RIPOR2: variants seen among roughly 807,000 people sequenced by gnomAD.
RIPOR2 encodes RHO family interacting cell polarization regulator 2.
A neutral mutation model predicts 114.5 loss-of-function variants in RIPOR2; 39 were observed. That is an observed-to-expected ratio of 0.34 (90% confidence interval 0.26 to 0.44). The LOEUF (loss-of-function observed/expected upper bound fraction) is 0.44. Among genes scored for constraint, RIPOR2 ranks in the 20% least tolerant of loss-of-function variants. The pLI is 1.00. For missense variants in RIPOR2, 1,007 were observed against 1,255.1 expected, an observed-to-expected ratio of 0.80 and a Z score of 2.99; for synonymous variants, 445 against 484.4, an observed-to-expected ratio of 0.92 and a Z score of 1.07.
At chr6:24,840,296 A>T (rs1761572635) in intron 13 of RIPOR2, 1 of 1,043,284 alleles carries the variant, frequency 9.6e-7, no homozygotes, top group Non-Finnish European at 1.2e-6. Flanking sequence ...TGCCTTGGGC[A>T]TGACAAGAAG....
At chr6:24,828,907 T>C (rs975709484) in intron 17 of RIPOR2, among the ~76,000 whole-genome samples, 3 of 152,232 alleles carry the variant, frequency 2.0e-5, no homozygotes, top group Non-Finnish European at 4.4e-5. Context: ...GAACTTCATG[T>C]AAATGGAATT....
chr6:24,818,631 A>G lies in RIPOR2; in HGVS notation c.2869-6T>C. Reference sequence around the variant, plus strand: ...TCACAGTAATAGAGCAAGGCCTGAAAGAGAAGGAGGGACCTCATGAAGGCA... The same window carrying G: ...TCACAGTAATAGAGCAAGGCCTGAAGGAGAAGGAGGGACCTCATGAAGGCA... On this transcript the variant is annotated splice_region_variant and splice_polypyrimidine_tract_variant and intron_variant, in intron 19 of 21. Transcript: ENST00000643898. The G allele has an allele frequency of 6.5e-7, 1 of 1,539,710 alleles. No homozygotes were observed. Among genetic ancestry groups the G allele is most frequent in the Non-Finnish European group, 8.8e-7 (1 of 1,138,826 alleles).
chr6:24,878,615 C>T (rs1293260347), intron 1 of RIPOR2, among the ~76,000 whole-genome samples: 1 of 152,042 alleles, frequency 6.6e-6, no homozygotes, highest in African/African-American at 2.4e-5. Flanking sequence ...GTAGTTTAAA[C>T]TACTGATGCC....
At chr6:24,897,949 G>A (rs562900269) in intron 1 of RIPOR2, among the ~76,000 whole-genome samples, 1 of 151,896 alleles carries the variant, frequency 6.6e-6, no homozygotes, top group South Asian at 2.1e-4. Context: ...GCTTGAACCC[G>A]GGAGGCGGAG....
intron 9 of RIPOR2, among the ~76,000 whole-genome samples, chr6:24,850,976 ACCTCCG>A (rs965340864): frequency 4.0e-5 from 6 of 150,044 alleles, no homozygotes; most frequent in Admixed American, 1.3e-4. Context: ...GCTCGCTGCA[ACCTCCG>A]CCTCCAGGGT....
rs1206277428 is a variant in RIPOR2 at position 24,872,865 on chromosome 6, A to G, written c.423+16T>C. On this transcript the variant is annotated intron_variant, in intron 4 of 21. Transcript: ENST00000643898. ...AAAGAACAGTGTTAACATCATAATG[A>G]CTGCATAGTACCTACCAGGCGAGAG... 2 of 1,542,770 alleles carry G rather than the reference A, an allele frequency of 1.3e-6. No homozygotes were observed. Among genetic ancestry groups the G allele is most frequent in the East Asian group, 4.5e-5 (2 of 44,532 alleles).
intron 1 of RIPOR2, among the ~76,000 whole-genome samples, chr6:24,967,912 T>C (rs563698888): frequency 0.29 from 38,030 of 129,826 alleles, 6,160 homozygotes; most frequent in South Asian, 0.37. Flanking sequence ...TCTCAATCTT[T>C]TTTTTTTTTT....
At chr6:24,919,634 A>G (rs1422926829) in intron 1 of RIPOR2, among the ~76,000 whole-genome samples, 1 of 152,166 alleles carries the variant, frequency 6.6e-6, no homozygotes, top group Non-Finnish European at 1.5e-5. Context: ...ATAAATGTGA[A>G]CACCTGCTCT....
intron 1 of RIPOR2, among the ~76,000 whole-genome samples, chr6:24,895,257 G>A (rs1767745307): frequency 6.6e-6 from 1 of 151,990 alleles, no homozygotes; most frequent in Non-Finnish European, 1.5e-5. Context: ...CACTATGTTG[G>A]TCAGGCTGGT....
At chr6:24,876,508 A>G (rs749738808) in intron 1 of RIPOR2, among the ~76,000 whole-genome samples, 3 of 152,184 alleles carry the variant, frequency 2.0e-5, no homozygotes, top group Admixed American at 2.0e-4. Context: ...TCAAACTGAA[A>G]ACACAGTCAA....
rs190187136 is a variant in RIPOR2 at position 24,930,374 on chromosome 6, G to A, written c.61+5464C>T. Among the ~76,000 whole-genome samples the A allele has an allele frequency of 4.1e-4, 62 of 152,326 alleles. 1 individual carries two copies. The East Asian group carries it at 0.012, about 29-fold the overall frequency. ...TAAGACTTGGCTTGCTGCTCATAGAGATATTAAAATAAACATCTAAAATGT... is the reference window on the plus strand; with the variant it reads ...TAAGACTTGGCTTGCTGCTCATAGAAATATTAAAATAAACATCTAAAATGT... On this transcript the variant is annotated intron_variant, in intron 1 of 21. Coordinates refer to ENST00000643898, the MANE Select transcript of RIPOR2 (RefSeq NM_001286445.3).
At chr6:24,839,559 G>T (rs1359673790) in intron 13 of RIPOR2, 2 of 1,457,034 alleles carry the variant, frequency 1.4e-6, no homozygotes, top group Admixed American at 2.1e-5. Flanking sequence ...GGAGGTTGAG[G>T]GATGGGCACA....
chr6:24,817,978 C>CTCTTTTTTTTTTTTTTT (rs140745822), intron 20 of RIPOR2, among the ~76,000 whole-genome samples: 1 of 118,366 alleles, frequency 8.4e-6, no homozygotes, highest in Admixed American at 1.0e-4. Flanking sequence ...CTCTCTCTCT[C>CTCTTTTTTTTTTTTTTT]TTTTTTTTTG....
intron 1 of RIPOR2, among the ~76,000 whole-genome samples, chr6:25,029,270 G>C (rs1206941807): frequency 6.6e-6 from 1 of 151,736 alleles, no homozygotes; most frequent in Non-Finnish European, 1.5e-5. Context: ...CCTGGCGACA[G>C]AGCAAGACTC....
At chr6:24,874,286 T>C (rs1200004431) in intron 2 of RIPOR2, among the ~76,000 whole-genome samples, 1 of 152,112 alleles carries the variant, frequency 6.6e-6, no homozygotes, top group Non-Finnish European at 1.5e-5. Context: ...TTTTAAAACA[T>C]TTTTTGTAGA....
At chr6:24,841,083 A>G (rs1466988719) in intron 13 of RIPOR2, among the ~76,000 whole-genome samples, 1 of 152,140 alleles carries the variant, frequency 6.6e-6, no homozygotes, top group Non-Finnish European at 1.5e-5. Context: ...CTGAAATAAT[A>G]CTCTGGAAAG....
intron 10 of RIPOR2, 134 bp downstream of exon 10, chr6:24,850,463 G>C: frequency 1.1e-6 from 1 of 892,164 alleles, no homozygotes; most frequent in Non-Finnish European, 1.8e-6. Context: ...GAGGGCAGCT[G>C]TCTTTGTAAT....
chr6:24,944,497 G>A (rs767320685), intron 1 of RIPOR2, among the ~76,000 whole-genome samples: 10 of 152,160 alleles, frequency 6.6e-5, no homozygotes, highest in Non-Finnish European at 1.2e-4. Context: ...GGAGTAGGGA[G>A]AATCTGATTT....
intron 1 of RIPOR2, among the ~76,000 whole-genome samples, chr6:24,905,387 C>T (rs1310313810): frequency 6.6e-6 from 1 of 151,912 alleles, no homozygotes; most frequent in East Asian, 1.9e-4. Context: ...GACGCATCAC[C>T]GAGACAACTC....
Sources: allele counts gnomAD v4.1 joint callset (sites outside exome capture counted in the v4.1 genomes callset), GRCh38; gene constraint gnomAD v4.1.1; transcripts MANE v1.5; gene names NCBI Gene and HGNC (gene_info 2026-07-23, HGNC 2026-07-21).